NHSL1: variants seen among roughly 807,000 people sequenced by gnomAD.
NHSL1 encodes NHS-like protein 1.
NHSL1 carries 48 observed loss-of-function variants against 95.0 expected under a neutral mutation model. That is an observed-to-expected ratio of 0.51 (90% CI 0.40 to 0.64). NHSL1 has a LOEUF of 0.64. NHSL1 is among the 30% of genes least tolerant of loss of function. NHSL1 has a pLI of 0.00. For missense variants in NHSL1, 1,971 were observed against 2,077.7 expected (o/e 0.95, Z 1.00); for synonymous variants, 783 against 833.9 (o/e 0.94, Z 1.05).
chr6:138,480,149 A>T (rs1430681392), intron 2 of NHSL1, among the ~76,000 whole-genome samples: 2 of 152,210 alleles, frequency 1.3e-5, no homozygotes, highest in Admixed American at 1.3e-4. Context: ...ATTCCTCTGT[A>T]TCAGAAGGGG....
At chr6:138,544,562 C>T (rs1274205443) in intron 1 of NHSL1, among the ~76,000 whole-genome samples, 1 of 152,132 alleles carries the variant, frequency 6.6e-6, no homozygotes, top group African/African-American at 2.4e-5. Context: ...CCTGGGTCTA[C>T]AGAATCCACG....
chr6:138,502,985 T>C (rs9495093), upstream of NHSL1, among the ~76,000 whole-genome samples: 28,351 of 152,150 alleles, frequency 0.19, 5,302 homozygotes, highest in African/African-American at 0.45. Context: ...ATGGCTGTCT[T>C]CCTACTTGTC....
At chr6:138,549,044 T>C (rs1275291365), upstream of NHSL1, among the ~76,000 whole-genome samples, 1 of 152,012 alleles carries the variant, frequency 6.6e-6, no homozygotes, top group Admixed American at 6.6e-5. Context: ...GATGAGATGA[T>C]ACTGCATTAA....
At chr6:138,466,041 T>TGTGGGG (rs372536926) in intron 3 of NHSL1, among the ~76,000 whole-genome samples, 1 of 125,552 alleles carries the variant, frequency 8.0e-6, no homozygotes, top group Non-Finnish European at 1.7e-5. Flanking sequence ...CACTCCTTTT[T>TGTGGGG]GGGGGGGGGG....
intron 1 of NHSL1, among the ~76,000 whole-genome samples, chr6:138,622,390 G>A (rs569131087): frequency 6.6e-6 from 1 of 152,110 alleles, no homozygotes; most frequent in Non-Finnish European, 1.5e-5. Flanking sequence ...TGTAGTCCCA[G>A]CTGCTGGGGA....
At chr6:138,447,853 G>A (rs926831251) in intron 3 of NHSL1, among the ~76,000 whole-genome samples, 1 of 152,170 alleles carries the variant, frequency 6.6e-6, no homozygotes. Flanking sequence ...GTGGCCATCA[G>A]TTTCCATTTT....
At chr6:138,679,704 G>A (rs539966384) in intron 1 of NHSL1, among the ~76,000 whole-genome samples, 1 of 152,196 alleles carries the variant, frequency 6.6e-6, no homozygotes, top group African/African-American at 2.4e-5. Flanking sequence ...ACATCAAAAG[G>A]GCTTTACTTG....
chr6:138,440,689 T>C (rs1409875577), intron 5 of NHSL1, among the ~76,000 whole-genome samples: 1 of 152,204 alleles, frequency 6.6e-6, no homozygotes, highest in Non-Finnish European at 1.5e-5. Flanking sequence ...GAGTCTGTGC[T>C]CTCTAATACA....
rs1412173756 is a variant in NHSL1, at chr6:138,423,518, C to A, written c.*563G>T. 6.6e-6 allele frequency: 1 copy of A among 152,274 alleles called. No homozygotes were observed. Among genetic ancestry groups the A allele is most frequent in the Non-Finnish European group, 1.5e-5 (1 of 68,064 alleles). 9.4% of individuals were successfully genotyped at this position (152,274 alleles called of 1,614,324 possible). A position where few individuals can be genotyped will look rare whatever the true frequency, so the allele number is the denominator to read the frequency against. ...TCCCAGCCTCTCCGTGCTCACCAGA[C>A]CTGCCTCACCTCAGCAGCACACGTG... On this transcript the variant is annotated 3_prime_UTR_variant, in exon 8 of 8. Coordinates refer to ENST00000343505, the MANE Select transcript of NHSL1 (RefSeq NM_001144060.2).
intron 1 of NHSL1, chr6:138,571,540 C>T (rs1783838925): frequency 7.9e-6 from 5 of 630,100 alleles, no homozygotes; most frequent in Non-Finnish European, 1.4e-5. Flanking sequence ...TGAGGAAGAG[C>T]ATTTTTATTT....
chr6:138,652,455 A>AG (rs993932357), intron 1 of NHSL1, among the ~76,000 whole-genome samples: 1 of 151,952 alleles, frequency 6.6e-6, no homozygotes, highest in Non-Finnish European at 1.5e-5. Flanking sequence ...AAAAAAAAAA[A>AG]AAATTAAGGT....
At position 138,496,259 on chromosome 6, in the gene NHSL1, C is replaced by T; in HGVS notation, c.171G>A (p.Leu57=). ...TGAGGTTGAGCTTGGCTTGGCGGTGCAGGTCCTCAACACAGGGGGGTCTTG... is the reference window on the plus strand; with the variant it reads ...TGAGGTTGAGCTTGGCTTGGCGGTGTAGGTCCTCAACACAGGGGGGTCTTG... ...PTTRPPCVED[L]HRQAKLNLKS... Residue 57 remains leucine, a synonymous_variant, in exon 2 of 8, where the codon CTG becomes CTA. Coordinates refer to ENST00000343505, the MANE Select transcript of NHSL1 (RefSeq NM_001144060.2). The T allele has an allele frequency of 6.4e-7, 1 of 1,550,960 alleles. No homozygotes were observed. The highest frequency in any genetic ancestry group is 8.7e-7 in the Non-Finnish European group (1 of 1,146,816).
chr6:138,692,955 G>C (rs1785704699), upstream of NHSL1, among the ~76,000 whole-genome samples: 3 of 150,614 alleles, frequency 2.0e-5, no homozygotes, highest in Admixed American at 1.3e-4. The surrounding 1 kb of genome is among the most constrained non-coding windows in gnomAD (Gnocchi z 4.0). Flanking sequence ...GCGGGCGAGC[G>C]GGCACCCGGG....
At chr6:138,439,807 C>T (rs945929714) in intron 5 of NHSL1, among the ~76,000 whole-genome samples, 6 of 151,718 alleles carry the variant, frequency 4.0e-5, no homozygotes, top group Non-Finnish European at 8.8e-5. Flanking sequence ...TATTTTCTTC[C>T]CTCCAGCATT....
At chr6:138,536,273 G>A (rs1782340021) in intron 1 of NHSL1, among the ~76,000 whole-genome samples, 1 of 152,150 alleles carries the variant, frequency 6.6e-6, no homozygotes, top group Non-Finnish European at 1.5e-5. Flanking sequence ...GAGCGACTAA[G>A]ACAAACTCAT....
chr6:138,439,402 C>G (rs1776386168), intron 5 of NHSL1, among the ~76,000 whole-genome samples: 1 of 152,076 alleles, frequency 6.6e-6, no homozygotes, highest in Non-Finnish European at 1.5e-5. Context: ...TCATCATTAC[C>G]TAGGTATGAT....
upstream of NHSL1, among the ~76,000 whole-genome samples, chr6:138,499,689 C>A (rs931241974): frequency 2.0e-5 from 3 of 152,196 alleles, no homozygotes; most frequent in Admixed American, 2.0e-4. Flanking sequence ...AAAAATAGTG[C>A]AGACTTTCCT....
Position 138,430,242 on chromosome 6 carries a change from G to T in NHSL1, c.3952+151C>A. The T allele has an allele frequency of 8.5e-7, 1 of 1,182,740 alleles. No individual in the cohort carries two copies. The highest frequency in any genetic ancestry group is 1.1e-6 in the Non-Finnish European group (1 of 892,246). 73.3% of individuals were successfully genotyped at this position (1,182,740 alleles called of 1,614,324 possible). ...ATGCAAAGTTGGTAACTTAATCTGT[G>T]TTTTAACACAGGAAGCCTACATACT... On this transcript the variant is annotated intron_variant, in intron 6 of 7. Coordinates refer to ENST00000343505, the MANE Select transcript of NHSL1 (RefSeq NM_001144060.2). This position sits in a 1 kb window ranked among gnomAD's most constrained non-coding sequence, Gnocchi z 4.7.
In NHSL1 at chr6:138,674,905, C is replaced by T. The variant is rs114699597; in HGVS notation, c.96+17571G>A. Among the ~76,000 whole-genome samples the T allele has an allele frequency of 7.3e-3, 1,106 of 152,118 alleles. 12 individuals carry two copies. Among genetic ancestry groups the T allele is most frequent in the African/African-American group, 0.025 (1,031 of 41,490 alleles). The stretch of plus-strand genomic sequence containing the variant: ...ATCCATTTAAAGTTCCCCAGCAGCT[C>T]AGCAAGGTGGCACGCATCTGTAGTC... On this transcript the variant is annotated intron_variant, in intron 1 of 3. Transcript: ENST00000491526.
Sources: gnomAD v4.1 joint callset for allele counts (sites outside exome capture counted in the v4.1 genomes callset) on GRCh38, gnomAD v4.1.1 for gene constraint, Gnocchi (gnomAD v3.1) non-coding constraint, MANE v1.5 for transcripts, NCBI Gene and HGNC (gene_info 2026-07-23, HGNC 2026-07-21) for gene names.